Variants in GPC6 observed in about 807,000 individuals in gnomAD.
The protein encoded by GPC6 is glypican 6, also known as glypican-6.
A neutral mutation model predicts 55.2 loss-of-function variants in GPC6; 14 were observed. That is an observed-to-expected ratio of 0.25 (90% CI 0.17 to 0.40). The LOEUF (loss-of-function observed/expected upper bound fraction) is 0.40. GPC6 is among the 10% of genes least tolerant of loss of function. GPC6 has a pLI of 1.00. For synonymous variants in GPC6, 278 were observed against 259.6 expected (o/e 1.07, Z -0.68); for missense variants, 641 against 708.5 (o/e 0.90, Z 1.08).
intron 3 of GPC6, among the ~76,000 whole-genome samples, chr13:93,888,727 C>T (rs1875489826): frequency 6.6e-6 from 1 of 152,070 alleles, no homozygotes. Flanking sequence ...TGAAGAAGTG[C>T]TTATATTTTC....
intron 6 of GPC6, among the ~76,000 whole-genome samples, chr13:94,311,383 G>A (rs1566661653): frequency 6.6e-6 from 1 of 152,240 alleles, no homozygotes; most frequent in South Asian, 2.1e-4. Context: ...TTTCCAGGCT[G>A]GTCTTGAACT....
chr13:94,095,575 A>G (rs1885628662), intron 4 of GPC6, among the ~76,000 whole-genome samples: 1 of 152,164 alleles, frequency 6.6e-6, no homozygotes, highest in African/African-American at 2.4e-5. Flanking sequence ...AGGGTATTTG[A>G]ATTTGGACCA....
intron 1 of GPC6, among the ~76,000 whole-genome samples, chr13:93,353,161 G>A (rs1880691814): frequency 6.6e-6 from 1 of 152,146 alleles, no homozygotes; most frequent in South Asian, 2.1e-4. Context: ...GGAAACTGAG[G>A]GGTTTCTTGG....
chr13:93,310,684 T>C (rs560466903), intron 1 of GPC6, among the ~76,000 whole-genome samples: 1 of 152,318 alleles, frequency 6.6e-6, no homozygotes, highest in South Asian at 2.1e-4. Flanking sequence ...GGTTTTATTA[T>C]ACCATAAACT....
chr13:93,308,092 G>A (rs2139104090), intron 1 of GPC6, among the ~76,000 whole-genome samples: 1 of 152,232 alleles, frequency 6.6e-6, no homozygotes, highest in South Asian at 2.1e-4. Context: ...AGACCATCCT[G>A]GCTAACATGG....
At chr13:93,516,313 A>G (rs537984117) in intron 1 of GPC6, among the ~76,000 whole-genome samples, 17 of 152,280 alleles carry the variant, frequency 1.1e-4, no homozygotes, top group African/African-American at 4.1e-4. Context: ...TTAACATGGA[A>G]TGCTTGAATG....
chr13:94,277,710 T>C (rs2139073251), intron 4 of GPC6, among the ~76,000 whole-genome samples: 1 of 152,328 alleles, frequency 6.6e-6, no homozygotes, highest in African/African-American at 2.4e-5. Flanking sequence ...TCACTTGTTT[T>C]TGTCAGGTTT....
At chr13:94,123,430 A>G (rs1393856179) in intron 4 of GPC6, among the ~76,000 whole-genome samples, 1 of 152,154 alleles carries the variant, frequency 6.6e-6, no homozygotes, top group Non-Finnish European at 1.5e-5. Flanking sequence ...AAACAGGTAT[A>G]TCAAACATAT....
chr13:93,671,099 G>T (rs910746483), intron 2 of GPC6, among the ~76,000 whole-genome samples: 1 of 152,098 alleles, frequency 6.6e-6, no homozygotes, highest in South Asian at 2.1e-4. Flanking sequence ...GCCAAAGTCT[G>T]TGCCATGAAC....
intron 2 of GPC6, among the ~76,000 whole-genome samples, chr13:93,805,046 A>C (rs554256518): frequency 6.6e-6 from 1 of 152,326 alleles, no homozygotes; most frequent in East Asian, 1.9e-4. Context: ...TTAAAAATTT[A>C]TTCTTTCTTT....
intron 2 of GPC6, among the ~76,000 whole-genome samples, chr13:93,745,875 A>G (rs1594421263): frequency 6.6e-6 from 1 of 152,254 alleles, no homozygotes. Flanking sequence ...GAAAGCAGCA[A>G]GCCAGTAATG....
At chr13:94,383,707 G>C (rs1880278688) in intron 7 of GPC6, among the ~76,000 whole-genome samples, 1 of 152,320 alleles carries the variant, frequency 6.6e-6, no homozygotes, top group Non-Finnish European at 1.5e-5. Flanking sequence ...GCATTTTTTA[G>C]CATCTGTTGC....
chr13:93,344,650 T>G (rs1356818855), intron 1 of GPC6, among the ~76,000 whole-genome samples: 1 of 152,204 alleles, frequency 6.6e-6, no homozygotes, highest in Non-Finnish European at 1.5e-5. Flanking sequence ...AATAGGAGTA[T>G]TTAATTCAAT....
chr13:93,738,012 G>A (rs939868456), intron 2 of GPC6, among the ~76,000 whole-genome samples: 8 of 152,050 alleles, frequency 5.3e-5, no homozygotes, highest in Non-Finnish European at 1.2e-4. Context: ...TCTACAACTT[G>A]TGCCAGATTA....
chr13:93,989,525 AAC>A (rs1238588915), intron 3 of GPC6, among the ~76,000 whole-genome samples: 1 of 152,154 alleles, frequency 6.6e-6, no homozygotes, highest in Non-Finnish European at 1.5e-5. Context: ...GACTTTCTAG[AAC>A]ACAGTTTTTA....
intron 2 of GPC6, among the ~76,000 whole-genome samples, chr13:93,601,485 A>G (rs775672785): frequency 6.6e-6 from 1 of 152,186 alleles, no homozygotes; most frequent in Non-Finnish European, 1.5e-5. Flanking sequence ...CCATCAGTTA[A>G]TGGATTCTCC....
rs1473741236 is a variant in GPC6 at position 93,851,395 on chromosome 13, G to A, written c.711+20850G>A. ...CTCTATTGAATCTCACATTTGATTG[G>A]CATGTGTATCCTAAAAAAATTGGCA... On this transcript the variant is annotated intron_variant, in intron 3 of 8. Coordinates refer to ENST00000377047, the MANE Select transcript of GPC6 (RefSeq NM_005708.5). Among the ~76,000 whole-genome samples, 3 of 151,796 alleles carry A rather than the reference G, an allele frequency of 2.0e-5. No homozygotes were observed. In the East Asian group the frequency reaches 5.8e-4, roughly 30 times the overall value.
intron 4 of GPC6, among the ~76,000 whole-genome samples, chr13:94,029,992 C>T (rs1388042027): frequency 6.6e-6 from 1 of 150,886 alleles, no homozygotes; most frequent in Non-Finnish European, 1.5e-5. Context: ...ATTTCATACC[C>T]TTTCTTCCCG....
chr13:93,780,967 G>A (rs527694904), intron 2 of GPC6, among the ~76,000 whole-genome samples: 4 of 151,972 alleles, frequency 2.6e-5, no homozygotes, highest in African/African-American at 9.7e-5. Context: ...ATTTCCAAGG[G>A]TCTTACAGAC....
Sources: allele counts gnomAD v4.1 joint callset (sites outside exome capture counted in the v4.1 genomes callset), GRCh38; gene constraint gnomAD v4.1.1; transcripts MANE v1.5; gene names NCBI Gene and HGNC (gene_info 2026-07-23, HGNC 2026-07-21).